Variants in ATP6V1B1 observed in about 807,000 individuals in gnomAD.
The protein encoded by ATP6V1B1 is ATPase H+ transporting V1 subunit B1, also known as V-type proton ATPase subunit B, kidney isoform.
A neutral mutation model predicts 62.1 loss-of-function variants in ATP6V1B1; 41 were observed. That is an observed-to-expected ratio of 0.66 (90% CI 0.51 to 0.86). The LOEUF (loss-of-function observed/expected upper bound fraction) is 0.86, where lower values mean the gene tolerates loss of function less well. Ranked by LOEUF, ATP6V1B1 falls within the 40% of genes least tolerant of loss-of-function variation. ATP6V1B1 has a pLI of 0.00. For missense variants in ATP6V1B1, 651 were observed against 697.5 expected (o/e 0.93, Z 0.75); for synonymous variants, 253 against 273.4 (o/e 0.93, Z 0.74).
chr2:70,960,886 T>C, intron 6 of ATP6V1B1, 35 bp from the exon 7 acceptor site: 1 of 1,571,272 alleles, frequency 6.4e-7, no homozygotes, highest in Non-Finnish European at 8.7e-7. Context: ...CAGCTCCGAC[T>C]CTGACGTCCT....
Position 70,957,948 on chromosome 2 carries a change from G to T in ATP6V1B1, c.175-98G>T, listed in dbSNP as rs1325523833. On this transcript the variant is annotated intron_variant, in intron 2 of 13. Coordinates refer to ENST00000234396, the MANE Select transcript of ATP6V1B1 (RefSeq NM_001692.4). The stretch of plus-strand genomic sequence containing the variant: ...CCACAAGTGTCTGGACACTAGAGGG[G>T]AGAGAACAGTTTGGGACTGGGTCAG... 11 of 1,083,488 alleles carry T rather than the reference G, an allele frequency of 1.0e-5. No homozygotes were observed. The Admixed American group carries it at 2.2e-4, about 21-fold the overall frequency. The allele number at this position is 1,083,488 out of a possible 1,614,324, so 67.1% of individuals were successfully genotyped here.
intron 1 of ATP6V1B1, chr2:70,940,364 C>T (rs1198026762): frequency 1.5e-5 from 15 of 983,784 alleles, no homozygotes; most frequent in Non-Finnish European, 1.8e-5. Context: ...ATCCAGCCCA[C>T]CCACCCTGCA....
At chr2:70,942,363 T>TA in intron 1 of ATP6V1B1, 1 of 398,666 alleles carries the variant, frequency 2.5e-6, no homozygotes, top group South Asian at 1.3e-4. Context: ...AAATGGTTGT[T>TA]ACACTTGGAG....
chr2:70,946,535 A>C (rs1421117505), intron 2 of ATP6V1B1, among the ~76,000 whole-genome samples: 4 of 152,350 alleles, frequency 2.6e-5, no homozygotes, highest in Non-Finnish European at 5.9e-5. Context: ...TTCCAGGTGA[A>C]CTGATGCTCA....
At chr2:70,948,870 T>G (rs1237911420) in intron 2 of ATP6V1B1, among the ~76,000 whole-genome samples, 2 of 152,158 alleles carry the variant, frequency 1.3e-5, no homozygotes, top group Non-Finnish European at 2.9e-5. Context: ...AGGGGTTCCC[T>G]GGCGGAGTGG....
At chr2:70,943,562 G>A in intron 1 of ATP6V1B1, 96 bp from the exon 2 acceptor site, 1 of 1,275,752 alleles carries the variant, frequency 7.8e-7, no homozygotes, top group Non-Finnish European at 1.1e-6. Flanking sequence ...GAAGGAGGTG[G>A]GGTGTGGAGA....
At chr2:70,953,547 C>T (rs1180238628) in intron 2 of ATP6V1B1, among the ~76,000 whole-genome samples, 12 of 151,960 alleles carry the variant, frequency 7.9e-5, no homozygotes, top group African/African-American at 2.9e-4. Flanking sequence ...ATATGTTTAT[C>T]TTCATTTCTT....
intron 2 of ATP6V1B1, 29 bp downstream of exon 2, chr2:70,943,742 C>G: frequency 3.7e-6 from 6 of 1,612,600 alleles, no homozygotes; most frequent in South Asian, 2.2e-5. Flanking sequence ...CTCCCTGGCA[C>G]TAAGGCCAAA....
Position 70,964,719 on chromosome 2 carries a change from C to G in ATP6V1B1, c.1249-17C>G. On this transcript the variant is annotated splice_polypyrimidine_tract_variant and intron_variant, in intron 12 of 13. Coordinates refer to ENST00000234396, the MANE Select transcript of ATP6V1B1 (RefSeq NM_001692.4). ...GGTAAGCCCGCAGCGGCCACCGACG[C>G]CTTGCCCCTCCCCCAGTACGCCTGC... is the stretch of plus-strand genomic sequence containing the variant. The G allele has an allele frequency of 1.9e-6, 3 of 1,613,318 alleles. No individual in the cohort carries two copies. The highest frequency in any genetic ancestry group is 2.5e-6 in the Non-Finnish European group (3 of 1,179,920).
intron 2 of ATP6V1B1, among the ~76,000 whole-genome samples, chr2:70,951,368 T>G (rs1553418279): frequency 1.3e-5 from 2 of 152,162 alleles, no homozygotes; most frequent in Non-Finnish European, 2.9e-5. Flanking sequence ...GATACAATAC[T>G]TTAATCTACC....
At chr2:70,950,448 G>A (rs1432617799) in intron 2 of ATP6V1B1, among the ~76,000 whole-genome samples, 1 of 151,912 alleles carries the variant, frequency 6.6e-6, no homozygotes, top group African/African-American at 2.4e-5. Flanking sequence ...AGACAATAAT[G>A]TTCTTCATTG....
chr2:70,949,163 A>G (rs1233050823), intron 2 of ATP6V1B1, among the ~76,000 whole-genome samples: 1 of 152,200 alleles, frequency 6.6e-6, no homozygotes, highest in Non-Finnish European at 1.5e-5. Flanking sequence ...AATACGCTCA[A>G]ACACAGGCAA....
chr2:70,941,664 C>T lies in ATP6V1B1; in HGVS notation c.119-1994C>T, dbSNP rs541232835. On this transcript the variant is annotated intron_variant, in intron 1 of 13. Coordinates refer to ENST00000234396, the MANE Select transcript of ATP6V1B1 (RefSeq NM_001692.4). ...TCATTTGTCACTTTCATTTGCCTAG[C>T]TTAGTACATAGAAGGCATCCATGCA... is the stretch of plus-strand genomic sequence containing the variant. 7.5e-6 allele frequency: 7 copies of T among 931,688 alleles called. No homozygotes were observed. The African/African-American group carries it at 1.1e-4, about 14-fold the overall frequency. 57.7% of individuals were successfully genotyped at this position (931,688 alleles called of 1,614,324 possible).
At chr2:70,955,389 T>G (rs1553418891) in intron 2 of ATP6V1B1, among the ~76,000 whole-genome samples, 1 of 152,218 alleles carries the variant, frequency 6.6e-6, no homozygotes, top group East Asian at 1.9e-4. Flanking sequence ...TAGCTTTTAG[T>G]ATATTCACAG....
In ATP6V1B1 at chr2:70,959,671, G is replaced by A. The variant is rs548801690; in HGVS notation, c.446-268G>A. 3.0e-4 allele frequency among the ~76,000 whole-genome samples: 46 copies of A among 152,314 alleles called. No homozygotes were observed. Among genetic ancestry groups the A allele is most frequent in the Non-Finnish European group, 5.3e-4 (36 of 68,032 alleles). On this transcript the variant is annotated intron_variant, in intron 5 of 13. Coordinates refer to ENST00000234396, the MANE Select transcript of ATP6V1B1 (RefSeq NM_001692.4). The surrounding 1 kb of genome is among the most constrained non-coding windows in gnomAD (Gnocchi z 4.2). Reference sequence around the variant, plus strand: ...CTGCCTGCCACTTCCAAAGCACAAGGGCAGCTCTGTCCAAGGTAGCACTGG... The same window carrying A: ...CTGCCTGCCACTTCCAAAGCACAAGAGCAGCTCTGTCCAAGGTAGCACTGG...
At chr2:70,951,657 C>T (rs1218866263) in intron 2 of ATP6V1B1, among the ~76,000 whole-genome samples, 1 of 152,120 alleles carries the variant, frequency 6.6e-6, no homozygotes, top group Non-Finnish European at 1.5e-5. Context: ...CCTGTAATCC[C>T]AGCACTTCAG....
chr2:70,962,941 C>T (rs1417448916), intron 9 of ATP6V1B1, 41 bp downstream of exon 9: 3 of 1,612,424 alleles, frequency 1.9e-6, no homozygotes, highest in African/African-American at 1.3e-5. Context: ...CTCCCTACCC[C>T]TCCCTAAGCC....
At chr2:70,960,458 A>G (rs1207707827) in intron 6 of ATP6V1B1, among the ~76,000 whole-genome samples, 4 of 152,116 alleles carry the variant, frequency 2.6e-5, no homozygotes, top group African/African-American at 4.8e-5. Flanking sequence ...AGGTCTCTAG[A>G]TGCTCCTCCA....
At chr2:70,938,411 T>TA (rs1679910022) in intron 1 of ATP6V1B1, among the ~76,000 whole-genome samples, 1 of 152,152 alleles carries the variant, frequency 6.6e-6, no homozygotes, top group African/African-American at 2.4e-5. Context: ...CCTGGGTCTG[T>TA]AAGCACTCCC....
Sources: allele counts gnomAD v4.1 joint callset (sites outside exome capture counted in the v4.1 genomes callset), GRCh38; gene constraint gnomAD v4.1.1; non-coding constraint Gnocchi (gnomAD v3.1); transcripts MANE v1.5; gene names NCBI Gene and HGNC (gene_info 2026-07-23, HGNC 2026-07-21).